The following ARHGEF18 variants were observed in gnomAD, a reference collection of about 807,000 sequenced individuals.
ARHGEF18 encodes the protein Rho/Rac guanine nucleotide exchange factor 18.
A neutral mutation model predicts 155.7 loss-of-function variants in ARHGEF18; 93 were observed. That is an observed-to-expected ratio of 0.60 (90% CI 0.50 to 0.71). The LOEUF is 0.71. Among genes scored for constraint, ARHGEF18 ranks in the 30% least tolerant of loss-of-function variants. The pLI, the probability that ARHGEF18 is intolerant of heterozygous loss-of-function variation, is 0.00. For synonymous variants in ARHGEF18, 742 were observed against 753.1 expected, an observed-to-expected ratio of 0.99 and a Z score of 0.24; for missense variants, 1,593 against 1,816.1, an observed-to-expected ratio of 0.88 and a Z score of 2.23.
At chr19:7,368,932 G>A (rs1600206792) in intron 2 of ARHGEF18, among the ~76,000 whole-genome samples, 1 of 133,358 alleles carries the variant, frequency 7.5e-6, no homozygotes, top group South Asian at 2.3e-4. Flanking sequence ...AGGACGCAGA[G>A]GAGGAGTCAG....
In ARHGEF18 at chr19:7,372,568, A is replaced by G. The variant is rs1162207375; in HGVS notation, c.16-244A>G. Reference sequence around the variant, plus strand: ...GAAGTAGGGGAATCTGGCATGGAAGACCAGACTTCTGGTCCTTTTGTGGGG... The same window carrying G: ...GAAGTAGGGGAATCTGGCATGGAAGGCCAGACTTCTGGTCCTTTTGTGGGG... On this transcript the variant is annotated intron_variant, in intron 2 of 28. Transcript: ENST00000668164. Among the ~76,000 whole-genome samples the G allele has an allele frequency of 2.6e-5, 4 of 152,130 alleles. No homozygotes were observed. In the East Asian group the frequency reaches 7.7e-4, roughly 29 times the overall value.
intron 10 of ARHGEF18, among the ~76,000 whole-genome samples, chr19:7,394,178 C>T (rs759173112): frequency 2.6e-5 from 4 of 151,858 alleles, no homozygotes; most frequent in African/African-American, 9.7e-5. Context: ...GCCTGGACCT[C>T]CCAGGCTCAA....
chr19:7,355,769 G>A (rs112558182), intron 1 of ARHGEF18: 277 of 954,412 alleles, frequency 2.9e-4, no homozygotes, highest in African/African-American at 2.4e-3. Context: ...CAGCCTGCCC[G>A]CCATCCCCCT....
In ARHGEF18 at chr19:7,440,061, C is replaced by T; in HGVS notation, c.968-283C>T. 1.3e-6 allele frequency: 2 copies of T among 1,550,588 alleles called. No homozygotes were observed. Among genetic ancestry groups the T allele is most frequent in the South Asian group, 2.4e-5 (2 of 84,012 alleles). ...ACCGAGGCATAAAAACGGCGCAGCC[C>T]AGCCTGGCGCCGCGCCGGGTCCCGG... On this transcript the variant is annotated intron_variant, in intron 10 of 28. Coordinates refer to ENST00000668164, the MANE Select transcript of ARHGEF18 (RefSeq NM_001367823.1). The surrounding 1 kb of genome is among the most constrained non-coding windows in gnomAD (Gnocchi z 5.4).
intron 1 of ARHGEF18, among the ~76,000 whole-genome samples, chr19:7,353,914 C>T (rs1230293267): frequency 7.1e-6 from 1 of 141,186 alleles, no homozygotes; most frequent in Non-Finnish European, 1.5e-5. Flanking sequence ...GAGCTGAGAT[C>T]AGCCACTGCA....
At chr19:7,413,167 C>A (rs898349286) in intron 10 of ARHGEF18, among the ~76,000 whole-genome samples, 3 of 152,044 alleles carry the variant, frequency 2.0e-5, no homozygotes, top group Non-Finnish European at 4.4e-5. Flanking sequence ...TATGGTGGCT[C>A]ATGCCTGCAA....
intron 23 of ARHGEF18, among the ~76,000 whole-genome samples, chr19:7,465,554 C>T (rs373587107): frequency 1.4e-4 from 21 of 152,054 alleles, no homozygotes; most frequent in East Asian, 9.7e-4. Flanking sequence ...ACTACAGGTG[C>T]GCGCCCCCAC....
At chr19:7,376,219 G>T (rs547504674) in intron 4 of ARHGEF18, among the ~76,000 whole-genome samples, 9 of 152,200 alleles carry the variant, frequency 5.9e-5, no homozygotes, top group Non-Finnish European at 7.3e-5. Context: ...GAAGGCAGCT[G>T]TGTCTGTGGT....
intron 1 of ARHGEF18, among the ~76,000 whole-genome samples, chr19:7,358,267 ATTCT>A (rs1430214607): frequency 2.6e-4 from 35 of 135,764 alleles, no homozygotes; most frequent in African/African-American, 4.3e-4. Flanking sequence ...TCTTCCATCC[ATTCT>A]TCCATCCATC....
At chr19:7,454,245 G>A (rs887347462) in intron 17 of ARHGEF18, among the ~76,000 whole-genome samples, 3 of 150,226 alleles carry the variant, frequency 2.0e-5, no homozygotes, top group Admixed American at 2.0e-4. Context: ...GGCACAATTT[G>A]GGTTGGTGGG....
rs1310232218 is a variant in ARHGEF18 at position 7,470,289 on chromosome 19, C to T, written c.4077C>T (p.Ile1359=). 6 of 1,535,720 alleles carry T rather than the reference C, an allele frequency of 3.9e-6. No homozygotes were observed. The highest frequency in any genetic ancestry group is 5.2e-6 in the Non-Finnish European group (6 of 1,143,038). The change falls in exon 29 of 29, where the codon ATC becomes ATT. Residue 1359 remains isoleucine (I), a synonymous_variant. Transcript: ENST00000668164. The surrounding 1 kb of genome is among the most constrained non-coding windows in gnomAD (Gnocchi z 5.9). ...AKEDASKEDV[I]FF is the part of the protein sequence containing the mutation. ...AGGACGCCAGCAAAGAAGACGTCAT[C>T]TTCTTCTAAAAGGGCCGTGACTCAA... is the stretch of plus-strand genomic sequence containing the variant.
At chr19:7,364,617 T>C (rs1969805865) in intron 2 of ARHGEF18, among the ~76,000 whole-genome samples, 1 of 152,138 alleles carries the variant, frequency 6.6e-6, no homozygotes, top group African/African-American at 2.4e-5. Flanking sequence ...CCTGAAAGCT[T>C]GTGGTCCCTG....
Position 7,367,746 on chromosome 19 carries a change from C to CAAAAAA in ARHGEF18, c.15+4849_15+4854dup, listed in dbSNP as rs776839774. ...AGGCAACAAGAGTGAAACTCCATCT[C>CAAAAAA]AAAAAAAAAAAAATATATATATATA... is the stretch of plus-strand genomic sequence containing the variant. On this transcript the variant is annotated intron_variant, in intron 2 of 28. Transcript: ENST00000668164. 1.1e-4 allele frequency among the ~76,000 whole-genome samples: 4 copies of CAAAAAA among 36,348 alleles called. 1 individual carries two copies. Among genetic ancestry groups the CAAAAAA allele is most frequent in the African/African-American group, 6.4e-4 (4 of 6,212 alleles). 23.8% of individuals were successfully genotyped at this position (36,348 alleles called of 152,430 possible). A position where few individuals can be genotyped will look rare whatever the true frequency, so the allele number is the denominator to read the frequency against.
intron 10 of ARHGEF18, among the ~76,000 whole-genome samples, chr19:7,399,096 C>T (rs1971887226): frequency 1.3e-5 from 2 of 152,182 alleles, no homozygotes; most frequent in Non-Finnish European, 2.9e-5. Context: ...TGAAGTCCAG[C>T]CAATCGCTGT....
chr19:7,444,592 C>T lies in ARHGEF18; in HGVS notation c.1611+138C>T. 1 of 1,265,500 alleles carries T rather than the reference C, an allele frequency of 7.9e-7. No individual in the cohort carries two copies. The highest frequency in any genetic ancestry group is 1.1e-6 in the Non-Finnish European group (1 of 936,504). 78.4% of individuals were successfully genotyped at this position (1,265,500 alleles called of 1,614,324 possible). Reference sequence around the variant, plus strand: ...GTGGTGCAGTCACAGCTCAATGCAGCCTCAACCTCTCAGGCTCAGGTGATC... The same window carrying T: ...GTGGTGCAGTCACAGCTCAATGCAGTCTCAACCTCTCAGGCTCAGGTGATC... On this transcript the variant is annotated intron_variant, in intron 14 of 28. Coordinates refer to ENST00000668164, the MANE Select transcript of ARHGEF18 (RefSeq NM_001367823.1). The surrounding 1 kb of genome is among the most constrained non-coding windows in gnomAD (Gnocchi z 4.7).
At chr19:7,398,312 A>G (rs1971837642) in intron 10 of ARHGEF18, among the ~76,000 whole-genome samples, 2 of 151,970 alleles carry the variant, frequency 1.3e-5, no homozygotes, top group Non-Finnish European at 2.9e-5. Context: ...CTCAGGTAAT[A>G]TCCCCTCCTT....
intron 10 of ARHGEF18, among the ~76,000 whole-genome samples, chr19:7,392,927 G>T (rs563499563): frequency 1.4e-5 from 2 of 146,276 alleles, no homozygotes; most frequent in South Asian, 4.2e-4. Context: ...TGTGCCTGTG[G>T]TCCCAGCTAC....
chr19:7,458,378 C>T (rs1049869151), intron 18 of ARHGEF18, 134 bp from the exon 19 acceptor site: 8 of 708,704 alleles, frequency 1.1e-5, no homozygotes, highest in African/African-American at 3.7e-5. Context: ...AAAATATTTC[C>T]GCTTTGAATT....
rs574797501 is a variant in ARHGEF18, at chr19:7,461,266, A to C, written c.2453-886A>C. 2.7e-4 allele frequency among the ~76,000 whole-genome samples: 40 copies of C among 145,754 alleles called. No individual in the cohort carries two copies. In the East Asian group the frequency reaches 6.6e-3, roughly 24 times the overall value. ...TGTCTCTACAAAAAATTTAAAAATTAGGCTGGGTGCGGTGGCTCACGCCTG... is the reference window on the plus strand; with the variant it reads ...TGTCTCTACAAAAAATTTAAAAATTCGGCTGGGTGCGGTGGCTCACGCCTG... On this transcript the variant is annotated intron_variant, in intron 20 of 28. Transcript: ENST00000668164.
Sources: gnomAD v4.1 joint callset for allele counts (sites outside exome capture counted in the v4.1 genomes callset) on GRCh38, gnomAD v4.1.1 for gene constraint, Gnocchi (gnomAD v3.1) non-coding constraint, MANE v1.5 for transcripts, NCBI Gene and HGNC (gene_info 2026-07-23, HGNC 2026-07-21) for gene names.